CLEC1A: variants seen among roughly 807,000 people sequenced by gnomAD.
CLEC1A encodes C-type lectin domain family 1 member A, also known as C-type lectin-like receptor-1.
In CLEC1A, 34 loss-of-function variants were observed where a neutral mutation model predicts 28.7. The ratio of observed to expected loss-of-function variants is 1.18; its 90% CI spans 0.90 to 1.57. The LOEUF is 1.57. Ranked by LOEUF, CLEC1A falls within the 40% of genes most tolerant of loss-of-function variation. The pLI is 0.00. For synonymous variants in CLEC1A, 116 were observed against 121.0 expected (o/e 0.96, Z 0.27); for missense variants, 385 against 339.5 (o/e 1.13, Z -1.05).
chr12:10,096,844 A>G (rs187810837), intron 1 of CLEC1A, among the ~76,000 whole-genome samples: 1 of 151,928 alleles, frequency 6.6e-6, no homozygotes, highest in Admixed American at 6.6e-5. Context: ...AATTAACTCA[A>G]CTCCACAGTT....
chr12:10,073,215 AC>A (rs1866173738), intron 5 of CLEC1A, 77 bp downstream of exon 5: 1 of 1,041,430 alleles, frequency 9.6e-7, no homozygotes, highest in Non-Finnish European at 1.5e-6. Context: ...TACTTGATGG[AC>A]CAAATTCTTG....
At chr12:10,075,383 T>C in intron 4 of CLEC1A, 121 bp downstream of exon 4, 1 of 996,600 alleles carries the variant, frequency 1.0e-6, no homozygotes, top group East Asian at 2.4e-5. Flanking sequence ...ACTCAGGCCC[T>C]GATCGAAACA....
rs770308238 is a variant in CLEC1A, at chr12:10,089,198, CACGTTGAA to C, written c.132_139del (p.Ser45AlafsTer72). ...CAGCAGGGTCAGGGCCACTGGTCGC[CACGTTGAA>C]GAGGGAGCCCTGTGCTCTGCAGGGA... On this transcript the variant is annotated frameshift_variant, in exon 2 of 6. Transcript: ENST00000315330. LOFTEE classifies it high-confidence loss of function. 1 of 1,613,860 alleles carries C rather than the reference CACGTTGAA, an allele frequency of 6.2e-7. No individual in the cohort carries two copies. The highest frequency in any genetic ancestry group is 1.3e-5 in the African/African-American group (1 of 74,914).
At chr12:10,093,291 G>C (rs1409428238) in intron 1 of CLEC1A, among the ~76,000 whole-genome samples, 2 of 149,128 alleles carry the variant, frequency 1.3e-5, no homozygotes, top group Admixed American at 1.4e-4. Context: ...CCCCTTTGCT[G>C]TCTCCTGAGG....
At chr12:10,094,895 T>A (rs4764249) in intron 1 of CLEC1A, among the ~76,000 whole-genome samples, 114,883 of 152,058 alleles carry the variant, frequency 0.76, 45,144 homozygotes, top group Non-Finnish European at 0.88. Flanking sequence ...GGATCCCATT[T>A]TACTTCTTAG....
At chr12:10,085,244 A>AC (rs1866464953) in intron 2 of CLEC1A, among the ~76,000 whole-genome samples, 1 of 109,558 alleles carries the variant, frequency 9.1e-6, no homozygotes, top group African/African-American at 3.4e-5. Flanking sequence ...CACACACACA[A>AC]TAAAACAAGG....
chr12:10,075,086 A>G (rs1428702007), intron 4 of CLEC1A, among the ~76,000 whole-genome samples: 1 of 152,226 alleles, frequency 6.6e-6, no homozygotes, highest in African/African-American at 2.4e-5. Flanking sequence ...AGCAAGATAT[A>G]CATTTGCAGA....
intron 3 of CLEC1A, 26 bp downstream of exon 3, chr12:10,081,211 G>A (rs776033569): frequency 1.9e-5 from 29 of 1,517,134 alleles, no homozygotes; most frequent in Non-Finnish European, 2.5e-5. Context: ...GACAACATGG[G>A]GACAGAGTGA....
intron 2 of CLEC1A, among the ~76,000 whole-genome samples, chr12:10,083,897 G>A (rs1414711079): frequency 6.6e-6 from 1 of 152,146 alleles, no homozygotes; most frequent in African/African-American, 2.4e-5. Flanking sequence ...AATAGAAAAT[G>A]CAGTAGAAGG....
In CLEC1A at chr12:10,069,582, A is replaced by C. The variant is rs137936285; in HGVS notation, c.*1751T>G. The stretch of plus-strand genomic sequence containing the variant: ...TTTCACATTTACTTTATTTCAGCTA[A>C]CAGTAACATTATGAGGAAATTATAA... On this transcript the variant is annotated 3_prime_UTR_variant, in exon 6 of 6. Transcript: ENST00000315330. 6.6e-6 allele frequency: 1 copy of C among 152,310 alleles called. No individual in the cohort carries two copies. The allele number at this position is 152,310 out of a possible 1,614,324, so 9.4% of individuals were successfully genotyped here. A position where few individuals can be genotyped will look rare whatever the true frequency, so the allele number is the denominator to read the frequency against.
intron 3 of CLEC1A, among the ~76,000 whole-genome samples, chr12:10,080,688 G>A (rs1329763664): frequency 6.6e-6 from 1 of 152,216 alleles, no homozygotes; most frequent in Admixed American, 6.5e-5. Context: ...CTGAAGCGAT[G>A]CTCCTAGACT....
intron 1 of CLEC1A, among the ~76,000 whole-genome samples, chr12:10,094,080 T>A (rs1391489863): frequency 6.6e-6 from 1 of 152,158 alleles, no homozygotes; most frequent in Non-Finnish European, 1.5e-5. Flanking sequence ...AGGTTCTAAT[T>A]CACAGTATTT....
chr12:10,072,907 T>C (rs1283989138), intron 5 of CLEC1A, among the ~76,000 whole-genome samples: 2 of 152,098 alleles, frequency 1.3e-5, no homozygotes, highest in South Asian at 2.1e-4. Flanking sequence ...ATCATAATCC[T>C]GTCTTTCCAA....
At chr12:10,080,564 G>T (rs1162441024) in intron 3 of CLEC1A, among the ~76,000 whole-genome samples, 1 of 152,194 alleles carries the variant, frequency 6.6e-6, no homozygotes, top group Non-Finnish European at 1.5e-5. Context: ...GAACATGTAT[G>T]CCATTTCCTA....
At chr12:10,090,182 G>A (rs1866583728) in intron 1 of CLEC1A, among the ~76,000 whole-genome samples, 1 of 152,200 alleles carries the variant, frequency 6.6e-6, no homozygotes, top group African/African-American at 2.4e-5. Context: ...GAGAATTCAA[G>A]TCACGTTCTG....
Position 10,081,231 on chromosome 12 carries a change from A to C in CLEC1A, c.391+6T>G. The stretch of plus-strand genomic sequence containing the variant: ...CATGGGGACAGAGTGACCAGGACAC[A>C]CTTACCTCCAGCTTTGTTATACAGC... On this transcript the variant is annotated splice_donor_region_variant and intron_variant, in intron 3 of 5. Transcript: ENST00000315330. The C allele has an allele frequency of 6.4e-7, 1 of 1,565,264 alleles. No homozygotes were observed. Among genetic ancestry groups the C allele is most frequent in the Non-Finnish European group, 8.6e-7 (1 of 1,156,804 alleles).
At chr12:10,076,682 T>C (rs11053572) in intron 3 of CLEC1A, among the ~76,000 whole-genome samples, 2,442 of 152,250 alleles carry the variant, frequency 0.016, 62 homozygotes, top group East Asian at 0.11. Context: ...ATGGGAATGA[T>C]GCTTACCTAA....
intron 1 of CLEC1A, among the ~76,000 whole-genome samples, chr12:10,089,494 C>T (rs1866569745): frequency 6.6e-6 from 1 of 151,976 alleles, no homozygotes; most frequent in South Asian, 2.1e-4. Context: ...CTATGCATTA[C>T]CATTATCTTT....
At chr12:10,073,072 C>T (rs1317987180) in intron 5 of CLEC1A, among the ~76,000 whole-genome samples, 2 of 151,936 alleles carry the variant, frequency 1.3e-5, no homozygotes, top group African/African-American at 2.4e-5. Flanking sequence ...AGAACAAGAC[C>T]CTATCTCAAA....
Sources: allele counts gnomAD v4.1 joint callset (sites outside exome capture counted in the v4.1 genomes callset), GRCh38; gene constraint gnomAD v4.1.1; transcripts MANE v1.5; gene names NCBI Gene and HGNC (gene_info 2026-07-23, HGNC 2026-07-21).